TTN: variants seen among roughly 807,000 people sequenced by gnomAD.
The protein encoded by TTN is titin.
Under a neutral mutation model 3,223.0 loss-of-function variants are expected in TTN, and 1,525 were observed. That is an observed-to-expected ratio of 0.47 (90% CI 0.45 to 0.49). TTN has a LOEUF of 0.49. Ranked by LOEUF, TTN falls within the 20% of genes least tolerant of loss-of-function variation. The pLI is 0.00. For synonymous variants in TTN, 14,094 were observed against 15,161.0 expected (o/e 0.93, Z 5.17); for missense variants, 40,786 against 43,424.0 (o/e 0.94, Z 5.40).
chr2:178,783,097 G>T, intron 17 of TTN, 33 bp from the exon 18 acceptor site: 1 of 1,605,736 alleles, frequency 6.2e-7, no homozygotes, highest in Non-Finnish European at 8.5e-7. Flanking sequence ...ATAATGATAC[G>T]TGTGCATATT....
Position 178,604,806 on chromosome 2 carries a change from T to C in TTN, c.54283A>G (p.Ser18095Gly). ...TWDAPLDNGG[S>G]EITHYVIDKR... ...TCAATAACATAATGGGTGATTTCAC[T>C]GCCACCATTATCAAGAGGGGCATCC... is the stretch of plus-strand genomic sequence containing the variant. Residue 18095 changes from serine to glycine, a missense_variant, in exon 281 of 363, where the codon AGT (serine) becomes GGT (glycine). Transcript: ENST00000589042. The C allele has an allele frequency of 6.2e-7, 1 of 1,612,520 alleles. No individual in the cohort carries two copies.
Position 178,591,830 on chromosome 2 carries a change from C to A in TTN, c.59989G>T (p.Val19997Phe). 6.2e-7 allele frequency: 1 copy of A among 1,613,264 alleles called. No individual in the cohort carries two copies. Among genetic ancestry groups the A allele is most frequent in the Non-Finnish European group, 8.5e-7 (1 of 1,179,562 alleles). Residue 19997 changes from valine (V) to phenylalanine (F), a missense_variant, in exon 303 of 363, where the codon GTC becomes TTC. Physicochemically the swap from Val to Phe is conservative, Grantham distance 50 (BLOSUM62 -1). Transcript: ENST00000589042. ...VDVDKTEVSL[V>F]WNKPDRDGGS... ...CCATCACGATCCGGCTTATTCCAGACTAGGGAGACTTCAGTCTTGTCAACA... is the reference window on the plus strand; with the variant it reads ...CCATCACGATCCGGCTTATTCCAGAATAGGGAGACTTCAGTCTTGTCAACA...
intron 49 of TTN, among the ~76,000 whole-genome samples, chr2:178,737,100 G>A (rs2081593840): frequency 6.6e-6 from 1 of 151,748 alleles, no homozygotes; most frequent in Non-Finnish European, 1.5e-5. Flanking sequence ...AAGAAAGAAA[G>A]AAAGATAGAG....
intron 211 of TTN, 47 bp from the exon 212 acceptor site, chr2:178,649,678 A>G (rs2062606011): frequency 1.3e-6 from 2 of 1,544,582 alleles, no homozygotes; most frequent in Non-Finnish European, 8.8e-7. Context: ...TGTGAGATGT[A>G]AGATATACAT....
rs1451160004 is a variant in TTN, at chr2:178,678,738, T to A, written c.33826+9A>T. On this transcript the variant is annotated intron_variant, in intron 143 of 362. Coordinates refer to ENST00000589042, the MANE Select transcript of TTN (RefSeq NM_001267550.2). ...AATAAAAATATTGCAACATTGCAAG[T>A]TCATGTACCTTTGGCAGGTGGAGCT... 1 of 1,598,688 alleles carries A rather than the reference T, an allele frequency of 6.3e-7. No individual in the cohort carries two copies. Among genetic ancestry groups the A allele is most frequent in the South Asian group, 1.1e-5 (1 of 87,060 alleles).
At position 178,586,545 on chromosome 2, in the gene TTN, T is replaced by C. The variant is rs1431828617; in HGVS notation, c.64356A>G (p.Pro21452=). The change falls in exon 308 of 363, where the codon CCA becomes CCG. Residue 21452 remains proline (P), a synonymous_variant. Coordinates refer to ENST00000589042, the MANE Select transcript of TTN (RefSeq NM_001267550.2). ...AARNAVGVSL[P]REAEGVYEAK... is the part of the protein sequence containing the mutation. ...CTTCATACACTCCTTCAGCTTCTCT[T>C]GGCAAACTGACTCCAACAGCATTTC... 5 of 1,613,112 alleles carry C rather than the reference T, an allele frequency of 3.1e-6. No homozygotes were observed. Among genetic ancestry groups the C allele is most frequent in the African/African-American group, 2.7e-5 (2 of 74,892 alleles).
intron 326 of TTN, 95 bp downstream of exon 326, chr2:178,559,216 G>A (rs762164003): frequency 8.3e-7 from 1 of 1,202,192 alleles, no homozygotes; most frequent in Non-Finnish European, 1.2e-6. Flanking sequence ...GAACCCAAAA[G>A]CATTTAAGAT....
chr2:178,723,597 A>G lies in TTN; in HGVS notation c.21503T>C (p.Val7168Ala). The G allele has an allele frequency of 1.2e-6, 2 of 1,613,238 alleles. No homozygotes were observed. The highest frequency in any genetic ancestry group is 1.3e-5 in the African/African-American group (1 of 74,992). Residue 7168 changes from valine (V) to alanine (A), a missense_variant, in exon 74 of 363, where the codon GTC (valine) becomes GCC (alanine). Val to Ala is a moderately conservative substitution (Grantham distance 64). Transcript: ENST00000589042. Reference protein sequence around the residue: ...SVIRGTPPFKVNWFRGARELV... With the variant: ...SVIRGTPPFKANWFRGARELV... ...TTCTCTGGCACCTCTGAACCAGTTGACTTTGAATGGAGGGGTTCCTCTAAT... is the reference window on the plus strand; with the variant it reads ...TTCTCTGGCACCTCTGAACCAGTTGGCTTTGAATGGAGGGGTTCCTCTAAT...
rs773905874 is a variant in TTN at position 178,740,410 on chromosome 2, G to A, written c.12823C>T (p.Leu4275Phe). ...GAGATCATGACATCAGGACTCTGGA[G>A]ACTCTCCACGTGTCCCTCAGCTAAG... ...QSLAEGHVES[L>F]QSPDVMISQV... Residue 4275 changes from leucine (L) to phenylalanine (F), a missense_variant, in exon 48 of 363, where the codon CTC (leucine) becomes TTC (phenylalanine). Coordinates refer to ENST00000589042, the MANE Select transcript of TTN (RefSeq NM_001267550.2). 6.2e-7 allele frequency: 1 copy of A among 1,613,090 alleles called. No individual in the cohort carries two copies. The highest frequency in any genetic ancestry group is 8.5e-7 in the Non-Finnish European group (1 of 1,179,484).
chr2:178,631,707 A>G (rs2059828827), intron 236 of TTN, among the ~76,000 whole-genome samples: 1 of 152,012 alleles, frequency 6.6e-6, no homozygotes, highest in African/African-American at 2.4e-5. Context: ...AATCATGTCT[A>G]TATATGTTAG....
At position 178,768,100 on chromosome 2, in the gene TTN, C is replaced by T. The variant is rs1410135661; in HGVS notation, c.9219G>A (p.Lys3073=). 6.2e-7 allele frequency: 1 copy of T among 1,613,956 alleles called. No homozygotes were observed. Among genetic ancestry groups the T allele is most frequent in the Non-Finnish European group, 8.5e-7 (1 of 1,180,004 alleles). Residue 3073 remains lysine, a synonymous_variant, in exon 39 of 363, where the codon AAG becomes AAA. Transcript: ENST00000589042. ...AAACTTCACATTCAAACATGGCTCG[C>T]TTCTTCTCCAGTACCTTAATGTCCT... ...HIKDIKVLEK[K]RAMFECEVSE...
chr2:178,602,409 G>A lies in TTN; in HGVS notation c.54993C>T (p.Thr18331=), dbSNP rs1356072895. Residue 18331 remains threonine, a synonymous_variant, in exon 283 of 363, where the codon ACC becomes ACT. Transcript: ENST00000589042. ...RVNEPDKLIT[T]CECVVPNLKE... ...TCAGATTAGGCACCACACATTCACAGGTAGTTATAAGTTTGTCTGGTTCAT... is the reference window on the plus strand; with the variant it reads ...TCAGATTAGGCACCACACATTCACAAGTAGTTATAAGTTTGTCTGGTTCAT... 7 of 1,612,662 alleles carry A rather than the reference G, an allele frequency of 4.3e-6. No homozygotes were observed. Among genetic ancestry groups the A allele is most frequent in the Middle Eastern group, 3.3e-4 (2 of 6,050 alleles).
intron 175 of TTN, 47 bp downstream of exon 175, chr2:178,662,682 G>A (rs1156640257): frequency 3.4e-6 from 3 of 894,068 alleles, no homozygotes; most frequent in Non-Finnish European, 4.9e-6. Flanking sequence ...TGATTGTGAG[G>A]GGTACAGACG....
Position 178,557,909 on chromosome 2 carries a change from C to A in TTN, c.87445G>T (p.Asp29149Tyr), listed in dbSNP as rs758707099. 3.1e-6 allele frequency: 5 copies of A among 1,613,342 alleles called. No individual in the cohort carries two copies. The highest frequency in any genetic ancestry group is 4.2e-6 in the Non-Finnish European group (5 of 1,179,854). ...GPPTGPVVIS[D>Y]ITEESVTLKW... ...AGAGTCACACTTTCTTCAGTTATAT[C>A]ACTAATAACAACAGGGCCAGTTGGA... The change falls in exon 328 of 363, where the codon GAT becomes TAT. Residue 29149 changes from aspartate (D) to tyrosine (Y), a missense_variant. Transcript: ENST00000589042.
chr2:178,786,177 T>C, intron 13 of TTN, 36 bp from the exon 14 acceptor site: 1 of 1,608,762 alleles, frequency 6.2e-7, no homozygotes, highest in Non-Finnish European at 8.5e-7. Flanking sequence ...TACATAGGAA[T>C]ATCGAGATCA....
rs1042532845 is a variant in TTN, at chr2:178,634,037, T to C, written c.42462A>G (p.Lys14154=). Residue 14154 remains lysine (K), a synonymous_variant, in exon 231 of 363, where the codon AAA becomes AAG. Transcript: ENST00000589042. This position sits in a 1 kb window ranked among gnomAD's most constrained non-coding sequence, Gnocchi z 4.6. ...AAACAAAAGTTGCTGTTTCACCTTC[T>C]TTTACTGTTTGATCTTCAAGAGGTG... ...FMSPLEDQTV[K]EGETATFVCE... is the part of the protein sequence containing the mutation. The C allele has an allele frequency of 1.9e-6, 3 of 1,613,206 alleles. No individual in the cohort carries two copies. Among genetic ancestry groups the C allele is most frequent in the Non-Finnish European group, 2.5e-6 (3 of 1,179,464 alleles).
Position 178,549,645 on chromosome 2 carries a change from G to A in TTN, c.92077C>T (p.Arg30693Cys), listed in dbSNP as rs375375389. The A allele has an allele frequency of 1.9e-6, 3 of 1,613,798 alleles. No individual in the cohort carries two copies. Among genetic ancestry groups the A allele is most frequent in the Non-Finnish European group, 1.7e-6 (2 of 1,179,758 alleles). ...KLINGNEYQF[R>C]VSAVNKFGVG... Reference sequence around the variant, plus strand: ...CCAAACTTGTTAACTGCAGAAACACGGAATTGGTATTCATTGCCGTTTATT... The same window carrying A: ...CCAAACTTGTTAACTGCAGAAACACAGAATTGGTATTCATTGCCGTTTATT... Residue 30693 changes from arginine to cysteine, a missense_variant, in exon 338 of 363, where the codon CGT (arginine) becomes TGT (cysteine). Arg to Cys is a radical substitution (Grantham distance 180). Coordinates refer to ENST00000589042, the MANE Select transcript of TTN (RefSeq NM_001267550.2).
chr2:178,738,334 C>G lies in TTN; in HGVS notation c.14119G>C (p.Glu4707Gln), dbSNP rs749584249. Reference sequence around the variant, plus strand: ...TGGCCCAGTGCTACTTCCAGGGGTTCGATTTTCCTCTTGATCACTGGGGCA... The same window carrying G: ...TGGCCCAGTGCTACTTCCAGGGGTTGGATTTTCCTCTTGATCACTGGGGCA... ...RAAPVIKRKI[E>Q]PLEVALGHLA... The change falls in exon 49 of 363, where the codon GAA (glutamate) becomes CAA (glutamine). Residue 4707 changes from glutamate to glutamine, a missense_variant. By Grantham distance (29) the Glu-to-Gln change is conservative (BLOSUM62 2). Coordinates refer to ENST00000589042, the MANE Select transcript of TTN (RefSeq NM_001267550.2). 1.2e-6 allele frequency: 2 copies of G among 1,612,654 alleles called. No homozygotes were observed. Among genetic ancestry groups the G allele is most frequent in the South Asian group, 2.2e-5 (2 of 90,970 alleles).
chr2:178,764,214 C>T lies in TTN; in HGVS notation c.10077G>A (p.Gly3359=), dbSNP rs2089944746. 2 of 1,613,962 alleles carry T rather than the reference C, an allele frequency of 1.2e-6. No homozygotes were observed. The highest frequency in any genetic ancestry group is 2.7e-5 in the African/African-American group (2 of 74,920). Residue 3359 remains glycine, a synonymous_variant, in exon 43 of 363, where the codon GGG becomes GGA. Coordinates refer to ENST00000589042, the MANE Select transcript of TTN (RefSeq NM_001267550.2). The stretch of plus-strand genomic sequence containing the variant: ...CCCGGCATTGAAAACGGGCTGGCTG[C>T]CCTTCAGAAGTGACAGTGTCCTGAA... The part of the protein sequence containing the change: ...TPLQDTVTSE[G]QPARFQCRVS...
Sources: allele counts gnomAD v4.1 joint callset (sites outside exome capture counted in the v4.1 genomes callset), GRCh38; gene constraint gnomAD v4.1.1; non-coding constraint Gnocchi (gnomAD v3.1); transcripts MANE v1.5; gene names NCBI Gene and HGNC (gene_info 2026-07-23, HGNC 2026-07-21).